The following CFAP97D2 variants were observed in gnomAD, a reference collection of about 807,000 sequenced individuals.
CFAP97D2 encodes the protein CFAP97 domain containing 2.
In CFAP97D2 at chr13:114,198,941, T is replaced by C. The variant is rs541498869; in HGVS notation, c.172-1384T>C. On this transcript the variant is annotated intron_variant, in intron 2 of 4. Transcript: ENST00000646158. ...GCGTCCCCGTGTGTACGGTCCCCGC[T>C]GAGGTGTGATGGCGCGTCCCCGTGG... 9.2e-3 allele frequency among the ~76,000 whole-genome samples: 344 copies of C among 37,426 alleles called. 80 individuals carry two copies. Among genetic ancestry groups the C allele is most frequent in the Non-Finnish European group, 0.012 (290 of 24,522 alleles). The allele number at this position is 37,426 out of a possible 152,430, so 24.6% of individuals were successfully genotyped here. A position where few individuals can be genotyped will look rare whatever the true frequency, so the allele number is the denominator to read the frequency against.
At chr13:114,199,954 A>C (rs7326134) in intron 2 of CFAP97D2, among the ~76,000 whole-genome samples, 958 of 1,208 alleles carry the variant, frequency 0.79, 463 homozygotes, top group Admixed American at 0.89. Flanking sequence ...ACGGTCCCCG[A>C]TGAGGCGTGA....
At chr13:114,192,409 A>T (rs539381594) in intron 1 of CFAP97D2, among the ~76,000 whole-genome samples, 1 of 152,212 alleles carries the variant, frequency 6.6e-6, no homozygotes, top group Non-Finnish European at 1.5e-5. Flanking sequence ...AATCATTTAA[A>T]ATTTTTTTTA....
chr13:114,180,233 A>G (rs766983215), intron 1 of CFAP97D2, among the ~76,000 whole-genome samples: 1 of 152,218 alleles, frequency 6.6e-6, no homozygotes, highest in East Asian at 1.9e-4. Context: ...GTTTCTGGGA[A>G]TGGAGACACT....
intron 1 of CFAP97D2, among the ~76,000 whole-genome samples, chr13:114,191,735 C>G (rs2080870166): frequency 6.6e-6 from 1 of 152,076 alleles, no homozygotes; most frequent in Non-Finnish European, 1.5e-5. Context: ...CAATTTTGCT[C>G]CTTGGAGTTG....
rs143502300 is a variant in CFAP97D2 at position 114,183,835 on chromosome 13, G to A, written c.90+4415G>A. Among the ~76,000 whole-genome samples, 265 of 152,284 alleles carry A rather than the reference G, an allele frequency of 1.7e-3. 3 individuals are homozygous for A. Among genetic ancestry groups the A allele is most frequent in the African/African-American group, 6.0e-3 (248 of 41,548 alleles). Reference sequence around the variant, plus strand: ...GAACAATGGAGGGACACAAACATTCGAGGCATAGCAACCTTCAAAACTGAA... The same window carrying A: ...GAACAATGGAGGGACACAAACATTCAAGGCATAGCAACCTTCAAAACTGAA... On this transcript the variant is annotated intron_variant, in intron 1 of 4. Coordinates refer to ENST00000646158, the Ensembl canonical transcript of CFAP97D2.
At chr13:114,218,069 A>C (rs2081003888) in intron 4 of CFAP97D2, among the ~76,000 whole-genome samples, 1 of 152,208 alleles carries the variant, frequency 6.6e-6, no homozygotes, top group African/African-American at 2.4e-5. Context: ...TCAATTAGGA[A>C]AAGAGGAAGT....
At chr13:114,179,293 C>A, upstream of CFAP97D2, 1 of 398,690 alleles carries the variant, frequency 2.5e-6, no homozygotes, top group South Asian at 1.3e-4. This position sits in a 1 kb window ranked among gnomAD's most constrained non-coding sequence, Gnocchi z 4.8. Flanking sequence ...CCCAGCTGCT[C>A]CTCTGTCTGG....
Position 114,185,490 on chromosome 13 carries a change from G to A in CFAP97D2, c.90+6070G>A, listed in dbSNP as rs745487059. Among the ~76,000 whole-genome samples, 15 of 152,190 alleles carry A rather than the reference G, an allele frequency of 9.9e-5. No individual in the cohort carries two copies. Among genetic ancestry groups the A allele is most frequent in the Non-Finnish European group, 2.2e-4 (15 of 68,038 alleles). On this transcript the variant is annotated intron_variant, in intron 1 of 4. Transcript: ENST00000646158. The surrounding 1 kb of genome is among the most constrained non-coding windows in gnomAD (Gnocchi z 5.2). ...AGCCCCACCCCTTCTGAGTTGGCAT[G>A]TCAGGAGCTCCCTGGGTACAGCTGC...
intron 4 of CFAP97D2, among the ~76,000 whole-genome samples, chr13:114,213,440 A>G (rs946795985): frequency 8.0e-5 from 12 of 149,214 alleles, no homozygotes; most frequent in African/African-American, 3.0e-4. Context: ...ATCCCTGTGG[A>G]AGCTCCAGGA....
chr13:114,186,579 G>A lies in CFAP97D2; in HGVS notation c.90+7159G>A, dbSNP rs1366427427. Among the ~76,000 whole-genome samples the A allele has an allele frequency of 3.3e-5, 5 of 152,206 alleles. No individual in the cohort carries two copies. The highest frequency in any genetic ancestry group is 5.9e-5 in the Non-Finnish European group (4 of 68,026). On this transcript the variant is annotated intron_variant, in intron 1 of 4. Transcript: ENST00000646158. The surrounding 1 kb of genome is among the most constrained non-coding windows in gnomAD (Gnocchi z 4.3). ...AAGGAGAAAAGAGCTGAGGCTCTTG[G>A]GGGGTCCCAGACCTGGGAGCTCCCT... is the stretch of plus-strand genomic sequence containing the variant.
At chr13:114,208,366 C>CA (rs2080950980) in intron 3 of CFAP97D2, among the ~76,000 whole-genome samples, 1 of 152,190 alleles carries the variant, frequency 6.6e-6, no homozygotes, top group South Asian at 2.1e-4. Flanking sequence ...CTCCTGAAAG[C>CA]AGTGTGCTTA....
chr13:114,195,564 G>T (rs963820796), intron 1 of CFAP97D2, among the ~76,000 whole-genome samples: 12 of 152,196 alleles, frequency 7.9e-5, no homozygotes, highest in Admixed American at 3.3e-4. Context: ...AATATGCGGG[G>T]ATTCCTTTTT....
At position 114,185,423 on chromosome 13, in the gene CFAP97D2, C is replaced by T. The variant is rs1196928032; in HGVS notation, c.90+6003C>T. ...CGGCTGTGAGGAGGCATGGCCAGGG[C>T]TGCACACTCCACGGAGCCTGTGGGA... On this transcript the variant is annotated intron_variant, in intron 1 of 4. Coordinates refer to ENST00000646158, the Ensembl canonical transcript of CFAP97D2. The surrounding 1 kb of genome is among the most constrained non-coding windows in gnomAD (Gnocchi z 5.2). Among the ~76,000 whole-genome samples, 1 of 152,158 alleles carries T rather than the reference C, an allele frequency of 6.6e-6. No homozygotes were observed. The highest frequency in any genetic ancestry group is 1.9e-4 in the East Asian group (1 of 5,180).
chr13:114,181,454 A>C (rs1335644203), intron 1 of CFAP97D2, among the ~76,000 whole-genome samples: 1 of 152,074 alleles, frequency 6.6e-6, no homozygotes, highest in Non-Finnish European at 1.5e-5. Flanking sequence ...GGACAAAGAA[A>C]TGGGAGAAGA....
At chr13:114,193,797 G>A (rs1237426574) in intron 1 of CFAP97D2, among the ~76,000 whole-genome samples, 2 of 152,178 alleles carry the variant, frequency 1.3e-5, no homozygotes, top group African/African-American at 4.8e-5. Context: ...AGGTCAAGGA[G>A]TTGGCAAATG....
At chr13:114,206,204 G>C (rs1024432900) in intron 3 of CFAP97D2, among the ~76,000 whole-genome samples, 4 of 150,844 alleles carry the variant, frequency 2.7e-5, no homozygotes, top group African/African-American at 9.8e-5. Flanking sequence ...CCCAGTTCAA[G>C]TGATTCTCCT....
intron 1 of CFAP97D2, among the ~76,000 whole-genome samples, chr13:114,195,660 A>G (rs2080883625): frequency 6.6e-6 from 1 of 152,166 alleles, no homozygotes; most frequent in Non-Finnish European, 1.5e-5. Flanking sequence ...TACCTTTTCT[A>G]AGTGGAAACT....
At chr13:114,209,910 C>T (rs1431458161) in intron 3 of CFAP97D2, among the ~76,000 whole-genome samples, 48 of 152,178 alleles carry the variant, frequency 3.2e-4, no homozygotes, top group Admixed American at 3.1e-3. Context: ...CAAATGAGGT[C>T]ACCAGTGACT....
chr13:114,204,562 G>A (rs2080931335), intron 3 of CFAP97D2, among the ~76,000 whole-genome samples: 2 of 152,194 alleles, frequency 1.3e-5, no homozygotes, highest in Admixed American at 1.3e-4. Flanking sequence ...TCAACAAAGG[G>A]GCCAAGACCA....
Sources: gnomAD v4.1 joint callset for allele counts (sites outside exome capture counted in the v4.1 genomes callset) on GRCh38, gnomAD v4.1.1 for gene constraint, Gnocchi (gnomAD v3.1) non-coding constraint, MANE v1.5 for transcripts, NCBI Gene and HGNC (gene_info 2026-07-23, HGNC 2026-07-21) for gene names.